Variants in ATP6V1H observed in about 807,000 individuals in gnomAD.
ATP6V1H encodes the protein V-type proton ATPase subunit H.
In ATP6V1H, 39 loss-of-function variants were observed where a neutral mutation model predicts 71.7. That is an observed-to-expected ratio of 0.54 (90% CI 0.42 to 0.71). The LOEUF is 0.71. Ranked by LOEUF, ATP6V1H falls within the 30% of genes least tolerant of loss-of-function variation. The probability of loss-of-function intolerance (pLI) is 0.00; values close to 1 mark genes in which losing one functional copy is unlikely to be tolerated. For synonymous variants in ATP6V1H, 192 were observed against 199.3 expected, an observed-to-expected ratio of 0.96 and a Z score of 0.31; for missense variants, 509 against 594.9, an observed-to-expected ratio of 0.86 and a Z score of 1.50.
At chr8:53,754,640 T>G (rs1030955157) in intron 12 of ATP6V1H, among the ~76,000 whole-genome samples, 2 of 152,234 alleles carry the variant, frequency 1.3e-5, no homozygotes, top group African/African-American at 4.8e-5. Flanking sequence ...ACCACACCCC[T>G]AAAGCGCAAC....
rs189205656 is a variant in ATP6V1H at position 53,797,661 on chromosome 8, A to G, written c.678-1822T>C. 2.0e-3 allele frequency among the ~76,000 whole-genome samples: 297 copies of G among 152,074 alleles called. 1 individual carries two copies. The highest frequency in any genetic ancestry group is 6.9e-3 in the African/African-American group (288 of 41,508). On this transcript the variant is annotated intron_variant, in intron 8 of 13. Coordinates refer to ENST00000359530, the MANE Select transcript of ATP6V1H (RefSeq NM_015941.4). ...CACCTTATGGGTGGTATCTGCACTC[A>G]CTACCTTTCTGACACTCAAGAGTCA...
chr8:53,802,318 C>T (rs1345565504), intron 7 of ATP6V1H, among the ~76,000 whole-genome samples: 1 of 152,094 alleles, frequency 6.6e-6, no homozygotes. Context: ...CAAGATAGGC[C>T]TATATGTAAA....
intron 2 of ATP6V1H, among the ~76,000 whole-genome samples, chr8:53,839,112 T>C (rs1811266083): frequency 6.6e-6 from 1 of 152,178 alleles, no homozygotes; most frequent in South Asian, 2.1e-4. Flanking sequence ...AAACACAACA[T>C]GTCATAGACC....
intron 7 of ATP6V1H, among the ~76,000 whole-genome samples, chr8:53,802,114 G>A (rs756656788): frequency 1.3e-5 from 2 of 152,112 alleles, no homozygotes; most frequent in African/African-American, 2.4e-5. Flanking sequence ...ATCTACACAA[G>A]TCAAGACTAC....
intron 7 of ATP6V1H, among the ~76,000 whole-genome samples, chr8:53,802,556 T>C (rs1809948008): frequency 6.6e-6 from 1 of 151,902 alleles, no homozygotes; most frequent in African/African-American, 2.4e-5. Context: ...CCATATCTAC[T>C]AAAAATACAA....
intron 13 of ATP6V1H, among the ~76,000 whole-genome samples, chr8:53,740,282 C>A (rs1359569983): frequency 6.6e-6 from 1 of 152,116 alleles, no homozygotes; most frequent in African/African-American, 2.4e-5. Flanking sequence ...TTTTTAAATT[C>A]ATGGCAGAAA....
At chr8:53,746,578 T>C (rs1049509456) in intron 12 of ATP6V1H, among the ~76,000 whole-genome samples, 1 of 152,226 alleles carries the variant, frequency 6.6e-6, no homozygotes, top group African/African-American at 2.4e-5. Context: ...TATGTTTATT[T>C]CTTAAGCATT....
chr8:53,817,198 AAC>A (rs900201834), intron 5 of ATP6V1H, among the ~76,000 whole-genome samples: 1 of 152,006 alleles, frequency 6.6e-6, no homozygotes, highest in African/African-American at 2.4e-5. Context: ...ATAATAATAA[AAC>A]AAAAATTTTA....
chr8:53,822,049 G>C (rs934175835), intron 4 of ATP6V1H, among the ~76,000 whole-genome samples: 1 of 151,994 alleles, frequency 6.6e-6, no homozygotes, highest in Non-Finnish European at 1.5e-5. Flanking sequence ...GAGCAAAATG[G>C]TCTCAAAAAG....
At chr8:53,825,572 A>G (rs1250742557) in intron 4 of ATP6V1H, among the ~76,000 whole-genome samples, 1 of 152,192 alleles carries the variant, frequency 6.6e-6, no homozygotes, top group Non-Finnish European at 1.5e-5. Flanking sequence ...GGCATTCCAG[A>G]AGCAAAGTAT....
At position 53,772,140 on chromosome 8, in the gene ATP6V1H, C is replaced by A; in HGVS notation, c.898G>T (p.Glu300Ter). ...RNFLEKSTER[E>*]TRQEYALAMI... is the part of the protein sequence containing the mutation. Reference sequence around the variant, plus strand: ...GCCAGGGCATATTCTTGGCGAGTTTCTCTTTCAGTTGATTTTTCTAAAAAG... The same window carrying A: ...GCCAGGGCATATTCTTGGCGAGTTTATCTTTCAGTTGATTTTTCTAAAAAG... Residue 300 changes from glutamate (E) to a stop codon, truncating the protein, a stop_gained, in exon 10 of 14, where the codon GAA (glutamate) becomes TAA (stop). Transcript: ENST00000359530. LOFTEE classifies it high-confidence loss of function. 1 of 1,612,554 alleles carries A rather than the reference C, an allele frequency of 6.2e-7. No individual in the cohort carries two copies. The highest frequency in any genetic ancestry group is 1.1e-5 in the South Asian group (1 of 90,566).
chr8:53,793,798 A>G (rs1733016933), intron 9 of ATP6V1H, among the ~76,000 whole-genome samples: 1 of 152,100 alleles, frequency 6.6e-6, no homozygotes, highest in Admixed American at 6.5e-5. Flanking sequence ...AATTAGTTGA[A>G]TGTGGTGGTG....
chr8:53,759,987 G>A (rs1280048806), intron 11 of ATP6V1H, among the ~76,000 whole-genome samples: 1 of 152,144 alleles, frequency 6.6e-6, no homozygotes, highest in Non-Finnish European at 1.5e-5. Context: ...CTATCTTATT[G>A]GGCAGCACTA....
intron 13 of ATP6V1H, among the ~76,000 whole-genome samples, chr8:53,718,668 C>T (rs1257680094): frequency 1.3e-5 from 2 of 152,242 alleles, no homozygotes; most frequent in East Asian, 1.9e-4. Context: ...GGGTTACAGG[C>T]GTGAGCCACC....
chr8:53,836,011 C>A (rs1454525109), intron 2 of ATP6V1H, among the ~76,000 whole-genome samples: 2 of 152,178 alleles, frequency 1.3e-5, no homozygotes, highest in Non-Finnish European at 2.9e-5. Context: ...GATTGTTAAT[C>A]CCAAAGGCTA....
At chr8:53,727,469 C>T (rs965205074) in intron 13 of ATP6V1H, among the ~76,000 whole-genome samples, 1 of 152,188 alleles carries the variant, frequency 6.6e-6, no homozygotes, top group African/African-American at 2.4e-5. Context: ...CAGCCCATTC[C>T]ATGTTTTGTC....
chr8:53,822,344 T>C (rs556523236), intron 4 of ATP6V1H, among the ~76,000 whole-genome samples: 21 of 152,046 alleles, frequency 1.4e-4, no homozygotes, highest in Non-Finnish European at 2.9e-4. Flanking sequence ...AGAATAATAA[T>C]ATATAAATGT....
At chr8:53,833,833 C>T (rs1811080449) in intron 2 of ATP6V1H, among the ~76,000 whole-genome samples, 1 of 152,084 alleles carries the variant, frequency 6.6e-6, no homozygotes, top group Admixed American at 6.5e-5. Context: ...TCAAATTCAG[C>T]ATCATGTTCC....
At chr8:53,754,675 G>A (rs980939019) in intron 12 of ATP6V1H, among the ~76,000 whole-genome samples, 2 of 152,346 alleles carry the variant, frequency 1.3e-5, no homozygotes, top group African/African-American at 4.8e-5. Flanking sequence ...AGAAGAAGAT[G>A]AGTTAATGCC....
Sources: gnomAD v4.1 joint callset for allele counts (sites outside exome capture counted in the v4.1 genomes callset) on GRCh38, gnomAD v4.1.1 for gene constraint, MANE v1.5 for transcripts, NCBI Gene and HGNC (gene_info 2026-07-23, HGNC 2026-07-21) for gene names.